Variants in DDX10 observed in about 807,000 individuals in gnomAD.
DDX10 encodes DEAD-box helicase 10, also known as probable ATP-dependent RNA helicase DDX10.
DDX10 carries 74 observed loss-of-function variants against 104.3 expected under a neutral mutation model. The ratio of observed to expected loss-of-function variants is 0.71; its 90% CI spans 0.59 to 0.86. DDX10 has a LOEUF of 0.86. Among genes scored for constraint, DDX10 ranks in the 40% least tolerant of loss-of-function variants. The pLI, the probability that DDX10 is intolerant of heterozygous loss-of-function variation, is 0.00. For synonymous variants in DDX10, 351 were observed against 353.4 expected (o/e 0.99, Z 0.08); for missense variants, 952 against 1,040.0 (o/e 0.92, Z 1.16).
chr11:108,776,588 A>G (rs1420315603), intron 13 of DDX10, among the ~76,000 whole-genome samples: 1 of 152,132 alleles, frequency 6.6e-6, no homozygotes, highest in East Asian at 1.9e-4. Context: ...CAATAAATAT[A>G]ATATTATTCC....
At chr11:108,688,786 A>G (rs2134448284) in intron 6 of DDX10, 150 bp from the exon 7 acceptor site, 1 of 683,852 alleles carries the variant, frequency 1.5e-6, no homozygotes, top group South Asian at 2.2e-5. Flanking sequence ...TTCCTAAGGG[A>G]CAATAGAGAA....
At chr11:108,824,444 T>G (rs929663481) in intron 13 of DDX10, among the ~76,000 whole-genome samples, 1 of 152,232 alleles carries the variant, frequency 6.6e-6, no homozygotes, top group African/African-American at 2.4e-5. Flanking sequence ...CTTTTAATGT[T>G]ACTGCTTTTT....
At chr11:108,757,649 G>A (rs1190042170) in intron 13 of DDX10, among the ~76,000 whole-genome samples, 3 of 151,952 alleles carry the variant, frequency 2.0e-5, no homozygotes, top group Non-Finnish European at 4.4e-5. Flanking sequence ...TAGACCCTTC[G>A]ACTACATTTT....
intron 13 of DDX10, among the ~76,000 whole-genome samples, chr11:108,797,246 A>G (rs374153645): frequency 5.9e-5 from 9 of 152,208 alleles, no homozygotes; most frequent in East Asian, 5.8e-4. Flanking sequence ...GTTGGCCAGG[A>G]TGGTCTTCAT....
intron 13 of DDX10, chr11:108,822,582 CT>C: frequency 1.0e-5 from 2 of 195,204 alleles, no homozygotes; most frequent in Non-Finnish European, 2.1e-5. Context: ...GCTGGCCTCC[CT>C]TTTGCATTGT....
chr11:108,907,262 G>A (rs1201259017), intron 16 of DDX10, among the ~76,000 whole-genome samples: 1 of 151,966 alleles, frequency 6.6e-6, no homozygotes, highest in South Asian at 2.1e-4. Context: ...TACTGAGGTG[G>A]CGTTTGTCTG....
chr11:108,785,824 G>A (rs1202578489), intron 13 of DDX10, among the ~76,000 whole-genome samples: 1 of 151,946 alleles, frequency 6.6e-6, no homozygotes, highest in African/African-American at 2.4e-5. Context: ...TTTTGTTGTT[G>A]TTAATTGTGT....
rs538177113 is a variant in DDX10 at position 108,933,946 on chromosome 11, G to T, written c.2451-6300G>T. Among the ~76,000 whole-genome samples, 3 of 152,210 alleles carry T rather than the reference G, an allele frequency of 2.0e-5. No homozygotes were observed. In the South Asian group the frequency reaches 6.2e-4, roughly 32 times the overall value. On this transcript the variant is annotated intron_variant, in intron 17 of 17. Coordinates refer to ENST00000322536, the MANE Select transcript of DDX10 (RefSeq NM_004398.4). ...AGCCCTTGGGTACCAAGGCAGTGTG[G>T]CTGCACAGAACAAGACAGTTTTTGT... is the stretch of plus-strand genomic sequence containing the variant.
intron 15 of DDX10, among the ~76,000 whole-genome samples, chr11:108,846,365 C>T (rs569061207): frequency 2.0e-5 from 3 of 152,080 alleles, no homozygotes; most frequent in Admixed American, 2.0e-4. Flanking sequence ...AGAACTTATT[C>T]CTCCTGTCTG....
intron 7 of DDX10, 53 bp downstream of exon 7, chr11:108,689,115 AT>A (rs940319967): frequency 6.3e-7 from 1 of 1,581,254 alleles, no homozygotes; most frequent in Admixed American, 1.7e-5. Flanking sequence ...CCCTTTTGAA[AT>A]GGCAAATCAA....
Position 108,677,179 on chromosome 11 carries a change from T to C in DDX10, c.473T>C (p.Phe158Ser). ...SPTRELAYQT[F>S]EVLRKVGKNH... is the part of the protein sequence containing the mutation. ...ACGAGAGAACTGGCCTATCAGACCT[T>C]TGAGGTTCTCCGAAAAGTAGGAAAG... Residue 158 changes from phenylalanine (F) to serine (S), a missense_variant, in exon 4 of 18, where the codon TTT (phenylalanine) becomes TCT (serine). Phe to Ser is a radical substitution (Grantham distance 155). Transcript: ENST00000322536. 1 of 1,613,972 alleles carries C rather than the reference T, an allele frequency of 6.2e-7. No homozygotes were observed. Among genetic ancestry groups the C allele is most frequent in the Non-Finnish European group, 8.5e-7 (1 of 1,179,960 alleles).
At chr11:108,910,906 G>T (rs1010691087) in intron 16 of DDX10, among the ~76,000 whole-genome samples, 9 of 151,990 alleles carry the variant, frequency 5.9e-5, no homozygotes, top group African/African-American at 2.2e-4. Flanking sequence ...GGTAGTGGTG[G>T]TAACTTGCAA....
intron 6 of DDX10, among the ~76,000 whole-genome samples, chr11:108,680,292 A>G (rs1026267170): frequency 6.6e-6 from 1 of 152,166 alleles, no homozygotes; most frequent in African/African-American, 2.4e-5. Flanking sequence ...ATAGCTCACT[A>G]CAGCCTTCAA....
chr11:108,729,502 G>A (rs967337568), intron 13 of DDX10, among the ~76,000 whole-genome samples: 1 of 152,008 alleles, frequency 6.6e-6, no homozygotes, highest in Non-Finnish European at 1.5e-5. Flanking sequence ...GCTTGTGACA[G>A]TGCAGCTCGA....
At chr11:108,706,909 C>A in intron 10 of DDX10, 72 bp downstream of exon 10, 1 of 1,239,806 alleles carries the variant, frequency 8.1e-7, no homozygotes, top group East Asian at 2.3e-5. Context: ...ATTATGTGCA[C>A]CTAATTTGCC....
intron 16 of DDX10, among the ~76,000 whole-genome samples, chr11:108,854,275 G>T (rs1357671825): frequency 5.3e-5 from 8 of 152,224 alleles, no homozygotes; most frequent in Non-Finnish European, 4.4e-5. Context: ...ACTTGGTAAA[G>T]GGGTGATGGC....
At chr11:108,693,712 C>T (rs1475871437) in intron 9 of DDX10, 112 bp downstream of exon 9, 3 of 837,458 alleles carry the variant, frequency 3.6e-6, no homozygotes, top group Non-Finnish European at 6.1e-6. Context: ...GCTGGTTTGG[C>T]ATTTTGTGGT....
At chr11:108,852,968 A>G (rs1862815467) in intron 16 of DDX10, among the ~76,000 whole-genome samples, 1 of 152,204 alleles carries the variant, frequency 6.6e-6, no homozygotes, top group Non-Finnish European at 1.5e-5. Flanking sequence ...GAGGAAGCCT[A>G]TAATATTCTT....
chr11:108,830,039 A>G (rs1056869005), intron 13 of DDX10, among the ~76,000 whole-genome samples: 2 of 152,210 alleles, frequency 1.3e-5, no homozygotes, highest in African/African-American at 4.8e-5. Context: ...TGCTCTGGCC[A>G]CACAGGATCG....
Sources: allele counts gnomAD v4.1 joint callset (sites outside exome capture counted in the v4.1 genomes callset), GRCh38; gene constraint gnomAD v4.1.1; transcripts MANE v1.5; gene names NCBI Gene and HGNC (gene_info 2026-07-23, HGNC 2026-07-21).